Variants in KAT2B observed in about 807,000 individuals in gnomAD.
KAT2B encodes histone acetyltransferase KAT2B.
KAT2B carries 36 observed loss-of-function variants against 105.9 expected under a neutral mutation model. That is an observed-to-expected ratio of 0.34 (90% CI 0.26 to 0.45). The LOEUF (loss-of-function observed/expected upper bound fraction) is 0.45. KAT2B is among the 20% of genes least tolerant of loss of function. The probability of loss-of-function intolerance (pLI) is 1.00; values close to 1 mark genes in which losing one functional copy is unlikely to be tolerated. For missense variants in KAT2B, 820 were observed against 1,021.6 expected (o/e 0.80, Z 2.69); for synonymous variants, 397 against 377.9 (o/e 1.05, Z -0.59).
chr3:20,143,699 G>A (rs945682595), intron 13 of KAT2B, among the ~76,000 whole-genome samples: 2 of 152,202 alleles, frequency 1.3e-5, no homozygotes, highest in African/African-American at 4.8e-5. Flanking sequence ...ATATTATGCA[G>A]CCATAAAAAA....
chr3:20,130,489 A>G (rs1699489879), intron 11 of KAT2B, among the ~76,000 whole-genome samples: 1 of 152,240 alleles, frequency 6.6e-6, no homozygotes, highest in Non-Finnish European at 1.5e-5. Flanking sequence ...AGACCTGGAA[A>G]ATATGCCCTT....
intron 1 of KAT2B, among the ~76,000 whole-genome samples, chr3:20,071,540 G>A (rs967361653): frequency 6.6e-6 from 1 of 152,186 alleles, no homozygotes; most frequent in African/African-American, 2.4e-5. Flanking sequence ...GTGGTACCTG[G>A]TAGAATAATT....
At chr3:20,060,715 A>T (rs1041952518) in intron 1 of KAT2B, among the ~76,000 whole-genome samples, 1 of 152,160 alleles carries the variant, frequency 6.6e-6, no homozygotes, top group African/African-American at 2.4e-5. Context: ...CCTTGAGTCC[A>T]GGAGTTTGAG....
chr3:20,068,473 A>G (rs1232290287), intron 1 of KAT2B, among the ~76,000 whole-genome samples: 1 of 150,908 alleles, frequency 6.6e-6, no homozygotes, highest in Non-Finnish European at 1.5e-5. Context: ...GGTCATCTCA[A>G]AAAGTCCTAG....
intron 1 of KAT2B, among the ~76,000 whole-genome samples, chr3:20,066,290 T>C (rs1293309049): frequency 6.6e-6 from 1 of 152,188 alleles, no homozygotes; most frequent in African/African-American, 2.4e-5. Context: ...ACGCCAGTCA[T>C]TGGTTTTAGG....
In KAT2B at chr3:20,122,777, G is replaced by A. The variant is rs755332489; in HGVS notation, c.1386G>A (p.Thr462=). The A allele has an allele frequency of 8.7e-6, 14 of 1,613,650 alleles. No homozygotes were observed. Among genetic ancestry groups the A allele is most frequent in the Middle Eastern group, 3.3e-4 (2 of 6,050 alleles). The part of the protein sequence containing the change: ...ELINEVMSTI[T]DPAAMLGPET... Reference sequence around the variant, plus strand: ...TCAACGAGGTTATGTCTACCATCACGGACCCTGCAGCAATGCTTGGACCAG... The same window carrying A: ...TCAACGAGGTTATGTCTACCATCACAGACCCTGCAGCAATGCTTGGACCAG... The change falls in exon 9 of 18, where the codon ACG becomes ACA. Residue 462 remains threonine (T), a synonymous_variant. Coordinates refer to ENST00000263754, the MANE Select transcript of KAT2B (RefSeq NM_003884.5).
In KAT2B at chr3:20,153,091, G is replaced by C. The variant is rs1031545552; in HGVS notation, c.*566G>C. On this transcript the variant is annotated 3_prime_UTR_variant, in exon 18 of 18. Transcript: ENST00000263754. ...GGTGCTTTGAGCAGTTCTGAAAAAT[G>C]CAGTTCCAGGAAAGCAACTGCTTTG... 1 of 152,512 alleles carries C rather than the reference G, an allele frequency of 6.6e-6. No homozygotes were observed. The highest frequency in any genetic ancestry group is 1.5e-5 in the Non-Finnish European group (1 of 67,952). 9.4% of individuals were successfully genotyped at this position (152,512 alleles called of 1,614,324 possible).
chr3:20,097,515 A>C (rs1473242074), intron 3 of KAT2B, among the ~76,000 whole-genome samples: 2 of 144,796 alleles, frequency 1.4e-5, no homozygotes, highest in Non-Finnish European at 3.0e-5. Context: ...AAACAAAACA[A>C]AAATAATGAT....
rs1408152457 is a variant in KAT2B at position 20,137,052 on chromosome 3, G to A, written c.1860G>A (p.Gln620=). The change falls in exon 12 of 18, where the codon CAG becomes CAA. Residue 620 remains glutamine (Q), a splice_region_variant and synonymous_variant. Transcript: ENST00000263754. ...DEYAIGYFKK[Q]GFSKEIKIPK... ...ATGCAATTGGATACTTTAAGAAACA[G>A]GTTGGTTTCTCACCACGCAACACTG... is the stretch of plus-strand genomic sequence containing the variant. The A allele has an allele frequency of 3.3e-6, 5 of 1,501,900 alleles. No individual in the cohort carries two copies. Among genetic ancestry groups the A allele is most frequent in the Non-Finnish European group, 4.6e-6 (5 of 1,078,060 alleles). The allele number at this position is 1,501,900 out of a possible 1,614,324, so 93.0% of individuals were successfully genotyped here.
chr3:20,080,640 C>T (rs947050626), intron 2 of KAT2B, among the ~76,000 whole-genome samples: 1 of 152,148 alleles, frequency 6.6e-6, no homozygotes, highest in Admixed American at 6.5e-5. Context: ...CATATATTTG[C>T]AGAGGAGCTT....
At chr3:20,140,856 T>A (rs963809471) in intron 13 of KAT2B, among the ~76,000 whole-genome samples, 2 of 151,962 alleles carry the variant, frequency 1.3e-5, no homozygotes, top group East Asian at 3.9e-4. Context: ...ACAAGAGTCA[T>A]TACTTTTTAA....
In KAT2B at chr3:20,152,265, G is replaced by T. The variant is rs1699880856; in HGVS notation, c.2306-67G>T. 2.8e-6 allele frequency: 3 copies of T among 1,085,392 alleles called. No homozygotes were observed. The East Asian group carries it at 7.3e-5, about 26-fold the overall frequency. The allele number at this position is 1,085,392 out of a possible 1,614,324, so 67.2% of individuals were successfully genotyped here. On this transcript the variant is annotated intron_variant, in intron 17 of 17. Coordinates refer to ENST00000263754, the MANE Select transcript of KAT2B (RefSeq NM_003884.5). ...ACCAACAACATAGATTCCTTTCCCA[G>T]TCCCAGTTTTGTCAGCTGGTGTTTA...
At chr3:20,142,243 C>G (rs1367932824) in intron 13 of KAT2B, among the ~76,000 whole-genome samples, 1 of 152,140 alleles carries the variant, frequency 6.6e-6, no homozygotes, top group African/African-American at 2.4e-5. Context: ...GGCTCCCTCC[C>G]CATTCTTTTT....
chr3:20,114,236 A>G (rs565059059), intron 6 of KAT2B, among the ~76,000 whole-genome samples: 21 of 152,292 alleles, frequency 1.4e-4, no homozygotes, highest in African/African-American at 4.6e-4. Flanking sequence ...ACTGGTTCCA[A>G]TCCTGATCCT....
At chr3:20,076,244 A>G (rs926203666) in intron 2 of KAT2B, among the ~76,000 whole-genome samples, 2 of 152,206 alleles carry the variant, frequency 1.3e-5, no homozygotes, top group Non-Finnish European at 2.9e-5. Context: ...ATTTTAATAT[A>G]TATGATCAGG....
chr3:20,095,642 A>G (rs1698795494), intron 3 of KAT2B, among the ~76,000 whole-genome samples: 1 of 152,194 alleles, frequency 6.6e-6, no homozygotes, highest in Non-Finnish European at 1.5e-5. Flanking sequence ...CTTGGTTTGC[A>G]TATGCAAATA....
intron 4 of KAT2B, among the ~76,000 whole-genome samples, chr3:20,100,227 A>G (rs1698886791): frequency 6.6e-6 from 1 of 152,206 alleles, no homozygotes. Context: ...GTTTGTAAGA[A>G]GAACACATGA....
chr3:20,051,579 T>G (rs1438901118), intron 1 of KAT2B, among the ~76,000 whole-genome samples: 1 of 152,194 alleles, frequency 6.6e-6, no homozygotes, highest in Non-Finnish European at 1.5e-5. Context: ...GCCACCTTTC[T>G]TATGTGGGCC....
chr3:20,042,376 G>A (rs1247999677), intron 1 of KAT2B, among the ~76,000 whole-genome samples: 1 of 152,208 alleles, frequency 6.6e-6, no homozygotes, highest in Non-Finnish European at 1.5e-5. Context: ...TTAGACGAAT[G>A]AGAACAGGAC....
Sources: gnomAD v4.1 joint callset for allele counts (sites outside exome capture counted in the v4.1 genomes callset) on GRCh38, gnomAD v4.1.1 for gene constraint, MANE v1.5 for transcripts, NCBI Gene and HGNC (gene_info 2026-07-23, HGNC 2026-07-21) for gene names.